Variants in SART3 observed in about 807,000 individuals in gnomAD.
SART3 encodes HIV-1 Tat-interacting protein of 110kDa.
A neutral mutation model predicts 122.3 loss-of-function variants in SART3; 44 were observed. The observed-to-expected ratio is 0.36, with a 90% CI of 0.28 to 0.46. SART3 has a LOEUF of 0.46. SART3 is among the 20% of genes least tolerant of loss of function. SART3 has a pLI of 1.00. For missense variants in SART3, 1,101 were observed against 1,229.0 expected (o/e 0.90, Z 1.56); for synonymous variants, 442 against 454.0 (o/e 0.97, Z 0.34).
intron 6 of SART3, among the ~76,000 whole-genome samples, chr12:108,541,008 G>C (rs1344020635): frequency 6.6e-6 from 1 of 152,166 alleles, no homozygotes; most frequent in Non-Finnish European, 1.5e-5. Flanking sequence ...GAGCTAAGTA[G>C]GGAATATTTT....
rs769479771 is a variant in SART3 at position 108,526,296 on chromosome 12, G to A, written c.2173C>T (p.Leu725Phe). ...MQEPDTKLRP[L>F]FEACGEVVQI... is the part of the protein sequence containing the mutation. ...ACCACCTCCCCACAGGCCTCGAAGA[G>A]TGGCCTGAGCTTCGTGTCCGGCTCC... Residue 725 changes from leucine (L) to phenylalanine (F), a missense_variant, in exon 16 of 19, where the codon CTC becomes TTC. Transcript: ENST00000546815. The A allele has an allele frequency of 3.1e-6, 5 of 1,614,234 alleles. No homozygotes were observed. In the South Asian group the frequency reaches 4.4e-5, roughly 14 times the overall value.
At chr12:108,559,931 T>C (rs903908548) in intron 1 of SART3, among the ~76,000 whole-genome samples, 1 of 152,144 alleles carries the variant, frequency 6.6e-6, no homozygotes, top group Non-Finnish European at 1.5e-5. Flanking sequence ...TTGAACAAAG[T>C]TATCAGCAGG....
At chr12:108,533,753 T>C (rs1420869861) in intron 12 of SART3, among the ~76,000 whole-genome samples, 3 of 152,226 alleles carry the variant, frequency 2.0e-5, no homozygotes, top group Admixed American at 6.5e-5. Context: ...TATGTCAACA[T>C]TGGAAGAGCT....
chr12:108,545,946 C>T (rs1201189735), intron 3 of SART3, among the ~76,000 whole-genome samples: 5 of 111,436 alleles, frequency 4.5e-5, no homozygotes, highest in African/African-American at 1.0e-4. Flanking sequence ...CCAGCCTAAG[C>T]GAAAGAGTAA....
In SART3 at chr12:108,549,136, C is replaced by T. The variant is rs754965542; in HGVS notation, c.391G>A (p.Val131Met). ...CTCATCTTCTGGCGGGCCATCCTCA[C>T]CTTGGTAAGCTCCCCTTCCAGCCTG... ...LLRLEGELTKVRMARQKMSEI... is the reference protein window; with the variant it reads ...LLRLEGELTKMRMARQKMSEI... The change falls in exon 2 of 19, where the codon GTG (valine) becomes ATG (methionine). Residue 131 changes from valine (V) to methionine (M), a missense_variant. Physicochemically the swap from Val to Met is conservative, Grantham distance 21. Coordinates refer to ENST00000546815, the MANE Select transcript of SART3 (RefSeq NM_014706.4). The T allele has an allele frequency of 2.5e-6, 4 of 1,614,218 alleles. No individual in the cohort carries two copies. In the Admixed American group the frequency reaches 6.7e-5, roughly 27 times the overall value.
At chr12:108,533,707 T>A (rs2111954) in intron 12 of SART3, among the ~76,000 whole-genome samples, 1 of 152,110 alleles carries the variant, frequency 6.6e-6, no homozygotes, top group African/African-American at 2.4e-5. Context: ...AATACAGATA[T>A]GAACAAATAC....
At chr12:108,555,048 T>G (rs2030159714) in intron 1 of SART3, among the ~76,000 whole-genome samples, 1 of 152,192 alleles carries the variant, frequency 6.6e-6, no homozygotes, top group African/African-American at 2.4e-5. Context: ...ATGGTAGTTA[T>G]CAGGGGATTG....
chr12:108,538,221 A>G lies in SART3; in HGVS notation c.1063-18T>C, dbSNP rs751431643. The G allele has an allele frequency of 1.9e-6, 3 of 1,613,962 alleles. No homozygotes were observed. Among genetic ancestry groups the G allele is most frequent in the Non-Finnish European group, 2.5e-6 (3 of 1,179,808 alleles). ...TGTCGATCCTATGATAAAGAATTCCAGAGTTAGGAAATTACACTTTATTAA... is the reference window on the plus strand; with the variant it reads ...TGTCGATCCTATGATAAAGAATTCCGGAGTTAGGAAATTACACTTTATTAA... On this transcript the variant is annotated intron_variant, in intron 7 of 18. Transcript: ENST00000546815.
intron 1 of SART3, among the ~76,000 whole-genome samples, chr12:108,557,902 G>A (rs1218073422): frequency 6.6e-6 from 1 of 152,168 alleles, no homozygotes; most frequent in Non-Finnish European, 1.5e-5. Flanking sequence ...AGTAGCTTGC[G>A]CCTGTGATCC....
chr12:108,531,412 T>TA (rs1872672799), intron 13 of SART3, 132 bp from the exon 14 acceptor site: 1 of 718,208 alleles, frequency 1.4e-6, no homozygotes, highest in South Asian at 1.5e-5. Flanking sequence ...GTAATCCCTG[T>TA]AGGCTTGAAG....
chr12:108,537,496 A>C lies in SART3; in HGVS notation c.1301T>G (p.Phe434Cys). ...YLDYLRRRVD[F>C]KQDSSKELEE... ...AACATGTGCTTAAATACCTTGTTTG[A>C]AATCAACCCTTCTCCTCAGGTAATC... Residue 434 changes from phenylalanine to cysteine, a missense_variant, in exon 9 of 19, where the codon TTC (phenylalanine) becomes TGC (cysteine). Physicochemically the swap from Phe to Cys is radical, Grantham distance 205. This residue lies in a region of SART3 where 885 missense variants were observed against 1,080.1 expected (regional missense o/e 0.82). Transcript: ENST00000546815. 1 of 1,612,512 alleles carries C rather than the reference A, an allele frequency of 6.2e-7. No homozygotes were observed. The highest frequency in any genetic ancestry group is 8.5e-7 in the Non-Finnish European group (1 of 1,178,530).
At chr12:108,531,925 A>C (rs1276537741) in intron 13 of SART3, 1 of 385,704 alleles carries the variant, frequency 2.6e-6, no homozygotes, top group African/African-American at 2.1e-5. Context: ...TGCTACTGGC[A>C]TTTCAGGGCT....
chr12:108,549,518 GTTAT>G (rs1045671660), intron 1 of SART3, among the ~76,000 whole-genome samples: 1 of 152,170 alleles, frequency 6.6e-6, no homozygotes, highest in Non-Finnish European at 1.5e-5. Flanking sequence ...CCTTAGGTAA[GTTAT>G]TTACTTTCCT....
intron 5 of SART3, 96 bp from the exon 6 acceptor site, chr12:108,543,248 T>G (rs1838981635): frequency 7.0e-7 from 1 of 1,426,510 alleles, no homozygotes; most frequent in Non-Finnish European, 9.6e-7. Flanking sequence ...CACTAGCCCC[T>G]CCCACATCTG....
rs1593231550 is a variant in SART3 at position 108,525,703 on chromosome 12, C to T, written c.2371-94G>A. 28 of 1,316,596 alleles carry T rather than the reference C, an allele frequency of 2.1e-5. No homozygotes were observed. The East Asian group carries it at 6.2e-4, about 29-fold the overall frequency. 81.6% of individuals were successfully genotyped at this position (1,316,596 alleles called of 1,614,324 possible). ...ACACCAGCCTTGTCCCCATGAGCAG[C>T]CCAGCCAGGCAGACTAGAGCCAAGC... On this transcript the variant is annotated intron_variant, in intron 16 of 18. Transcript: ENST00000546815.
intron 15 of SART3, among the ~76,000 whole-genome samples, chr12:108,527,613 G>A (rs1024329601): frequency 1.3e-5 from 2 of 152,180 alleles, no homozygotes; most frequent in African/African-American, 2.4e-5. Context: ...GTGGAGCAAT[G>A]AGCCATCCTC....
In SART3 at chr12:108,543,032, GCTT is replaced by G; in HGVS notation, c.899_901del (p.Glu300del). On this transcript the variant is annotated inframe_deletion, in exon 6 of 19. Coordinates refer to ENST00000546815, the MANE Select transcript of SART3 (RefSeq NM_014706.4). ...ATAAAAGAAGCCAACACTTACCAGT[GCTT>G]CTTCATAGGGTTTATATTTCTCCAG... 1 of 1,614,220 alleles carries G rather than the reference GCTT, an allele frequency of 6.2e-7. No individual in the cohort carries two copies. Among genetic ancestry groups the G allele is most frequent in the East Asian group, 2.2e-5 (1 of 44,894 alleles).
chr12:108,557,835 TAGAC>T (rs2030298339), intron 1 of SART3, among the ~76,000 whole-genome samples: 1 of 152,280 alleles, frequency 6.6e-6, no homozygotes, highest in South Asian at 2.1e-4. Flanking sequence ...TTGCTTTTGT[TAGAC>T]AGATACCACA....
At position 108,522,524 on chromosome 12, in the gene SART3, T is replaced by TA. The variant is rs964618976; in HGVS notation, c.*932dup. 3.9e-5 allele frequency: 6 copies of TA among 152,200 alleles called. No individual in the cohort carries two copies. The highest frequency in any genetic ancestry group is 3.3e-4 in the Admixed American group (5 of 15,266). The allele number at this position is 152,200 out of a possible 1,614,324, so 9.4% of individuals were successfully genotyped here. A position where few individuals can be genotyped will look rare whatever the true frequency, so the allele number is the denominator to read the frequency against. Reference sequence around the variant, plus strand: ...CAAAAGCTCCAGTGTCAAACTGCTATAAAATGAAGACACATCACAGCTGGA... The same window carrying TA: ...CAAAAGCTCCAGTGTCAAACTGCTATAAAAATGAAGACACATCACAGCTGGA... On this transcript the variant is annotated 3_prime_UTR_variant, in exon 19 of 19. Coordinates refer to ENST00000546815, the MANE Select transcript of SART3 (RefSeq NM_014706.4).
Sources: allele counts gnomAD v4.1 joint callset (sites outside exome capture counted in the v4.1 genomes callset), GRCh38; gene constraint gnomAD v4.1.1; regional missense constraint gnomAD v4.1.1; transcripts MANE v1.5; gene names NCBI Gene and HGNC (gene_info 2026-07-23, HGNC 2026-07-21).